TTYH1: variants seen among roughly 807,000 people sequenced by gnomAD.
TTYH1 encodes protein tweety homolog 1.
In TTYH1, 33 loss-of-function variants were observed where a neutral mutation model predicts 61.2. The ratio of observed to expected loss-of-function variants is 0.54; its 90% CI spans 0.41 to 0.72. TTYH1 has a LOEUF of 0.72. Among genes scored for constraint, TTYH1 ranks in the 30% least tolerant of loss-of-function variants. The pLI is 0.00. For missense variants in TTYH1, 538 were observed against 575.8 expected, an observed-to-expected ratio of 0.93 and a Z score of 0.67; for synonymous variants, 308 against 266.4, an observed-to-expected ratio of 1.16 and a Z score of -1.52.
Position 54,420,056 on chromosome 19 carries a change from G to A in TTYH1, c.305+750G>A, listed in dbSNP as rs1331415845. The stretch of plus-strand genomic sequence containing the variant: ...CACCTTTCAAGGCCACGTGGCTTAA[G>A]AGGCAGCACAGAGATTCAGACCCAG... On this transcript the variant is annotated intron_variant, in intron 2 of 13. Transcript: ENST00000376530. The surrounding 1 kb of genome is among the most constrained non-coding windows in gnomAD (Gnocchi z 4.8). 2.6e-5 allele frequency among the ~76,000 whole-genome samples: 4 copies of A among 152,124 alleles called. No homozygotes were observed. Among genetic ancestry groups the A allele is most frequent in the African/African-American group, 9.7e-5 (4 of 41,420 alleles).
In TTYH1 at chr19:54,422,231, A is replaced by T; in HGVS notation, c.459A>T (p.Thr153=). ...TVERLGEAVR[T]ELTTLEEVLE... ...AGAGGCTGGGCGAGGCGGTGAGGAC[A>T]GAGCTGACCACCCTGGAGGAGGTGC... is the stretch of plus-strand genomic sequence containing the variant. Residue 153 remains threonine, a synonymous_variant, in exon 4 of 14, where the codon ACA becomes ACT. Transcript: ENST00000376530. 1.3e-6 allele frequency: 2 copies of T among 1,567,506 alleles called. No homozygotes were observed. The highest frequency in any genetic ancestry group is 1.7e-6 in the Non-Finnish European group (2 of 1,156,884).
intron 10 of TTYH1, chr19:54,432,559 C>T (rs2083463564): frequency 6.6e-6 from 1 of 152,206 alleles, no homozygotes; most frequent in Non-Finnish European, 1.5e-5. Flanking sequence ...CCAGTTTTGT[C>T]CTTTCTGCTT....
chr19:54,427,409 T>G (rs1351856805), intron 5 of TTYH1, among the ~76,000 whole-genome samples: 1 of 133,994 alleles, frequency 7.5e-6, no homozygotes, highest in South Asian at 2.6e-4. Context: ...TTCGAGACCA[T>G]CCTGGCTAAC....
At position 54,421,854 on chromosome 19, in the gene TTYH1, C is replaced by T. The variant is rs1321879916; in HGVS notation, c.418-336C>T. Among the ~76,000 whole-genome samples, 2 of 152,116 alleles carry T rather than the reference C, an allele frequency of 1.3e-5. No homozygotes were observed. Among genetic ancestry groups the T allele is most frequent in the African/African-American group, 4.8e-5 (2 of 41,428 alleles). ...TCCATGTCCAGCTGCAGACTCTAGA[C>T]CATGGGACCCAGACTTGAGACCCCA... On this transcript the variant is annotated intron_variant, in intron 3 of 13. Coordinates refer to ENST00000376530, the MANE Select transcript of TTYH1 (RefSeq NM_020659.4). The surrounding 1 kb of genome is among the most constrained non-coding windows in gnomAD (Gnocchi z 4.8).
rs371658985 is a variant in TTYH1, at chr19:54,420,446, G to C, written c.306-831G>C. Among the ~76,000 whole-genome samples, 1 of 152,112 alleles carries C rather than the reference G, an allele frequency of 6.6e-6. No individual in the cohort carries two copies. Among genetic ancestry groups the C allele is most frequent in the South Asian group, 2.1e-4 (1 of 4,834 alleles). On this transcript the variant is annotated intron_variant, in intron 2 of 13. Coordinates refer to ENST00000376530, the MANE Select transcript of TTYH1 (RefSeq NM_020659.4). The surrounding 1 kb of genome is among the most constrained non-coding windows in gnomAD (Gnocchi z 4.8). ...TTTGTAGGACTCTGAACAATGGGGCGGGGACACTGGGCGTCCGACCCGAGG... is the reference window on the plus strand; with the variant it reads ...TTTGTAGGACTCTGAACAATGGGGCCGGGACACTGGGCGTCCGACCCGAGG...
rs184486778 is a variant in TTYH1, at chr19:54,429,256, C to T, written c.735-51C>T. Reference sequence around the variant, plus strand: ...ATGGGATTTGGGGTGTGGAAAGAGGCTAGGCTAGGAGATTAAGAACCCCGG... The same window carrying T: ...ATGGGATTTGGGGTGTGGAAAGAGGTTAGGCTAGGAGATTAAGAACCCCGG... On this transcript the variant is annotated intron_variant, in intron 5 of 13. Coordinates refer to ENST00000376530, the MANE Select transcript of TTYH1 (RefSeq NM_020659.4). This position sits in a 1 kb window ranked among gnomAD's most constrained non-coding sequence, Gnocchi z 5.1. 2 of 1,557,578 alleles carry T rather than the reference C, an allele frequency of 1.3e-6. No individual in the cohort carries two copies. The highest frequency in any genetic ancestry group is 2.2e-5 in the South Asian group (2 of 89,820).
Position 54,436,325 on chromosome 19 carries a change from C to CT in TTYH1, c.*43-7dup, listed in dbSNP as rs200307680. ...GCATCACTGCCCTGTCTCTCCCTCT[C>CT]TCCGCAGTTCCTTCCCTGGCTGCCG... On this transcript the variant is annotated splice_polypyrimidine_tract_variant and splice_region_variant and intron_variant, in intron 13 of 13. Transcript: ENST00000376530. This position sits in a 1 kb window ranked among gnomAD's most constrained non-coding sequence, Gnocchi z 4.3. 14,905 of 1,614,166 alleles carry CT rather than the reference C, an allele frequency of 9.2e-3. 152 individuals carry two copies. Among genetic ancestry groups the CT allele is most frequent in the Middle Eastern group, 0.061 (371 of 6,060 alleles).
Position 54,419,162 on chromosome 19 carries a change from G to T in TTYH1, c.161G>T (p.Gly54Val). The change falls in exon 2 of 14, where the codon GGC (glycine) becomes GTC (valine). Residue 54 changes from glycine (G) to valine (V), a missense_variant. Gly to Val is a moderately radical substitution (Grantham distance 109). Coordinates refer to ENST00000376530, the MANE Select transcript of TTYH1 (RefSeq NM_020659.4). This position sits in a 1 kb window ranked among gnomAD's most constrained non-coding sequence, Gnocchi z 6.1. ...CTGGTGGCGGCCTTGGCGGGCCTGG[G>T]CTTGGGCCTGAGCCTCATTTTCATC... Reference protein sequence around the residue: ...LLLVAALAGLGLGLSLIFIAV... With the variant: ...LLLVAALAGLVLGLSLIFIAV... 1 of 1,613,272 alleles carries T rather than the reference G, an allele frequency of 6.2e-7. No individual in the cohort carries two copies. Among genetic ancestry groups the T allele is most frequent in the Non-Finnish European group, 8.5e-7 (1 of 1,179,896 alleles).
chr19:54,432,794 C>T (rs992756424), intron 10 of TTYH1: 4 of 152,144 alleles, frequency 2.6e-5, no homozygotes, highest in Non-Finnish European at 4.4e-5. Context: ...ATTGGGCATC[C>T]GATACTCAAA....
At chr19:54,418,007 G>GACAC (rs35160501) in intron 1 of TTYH1, among the ~76,000 whole-genome samples, 48,404 of 148,104 alleles carry the variant, frequency 0.33, 7,773 homozygotes, top group East Asian at 0.41. Flanking sequence ...ACACACTTGG[G>GACAC]ACACACACAC....
chr19:54,430,825 T>C lies in TTYH1; in HGVS notation c.952T>C (p.Ser318Pro), dbSNP rs1450582615. Reference sequence around the variant, plus strand: ...TCTCTTTCTGCAGAGGCTGACTCTGTCCCAGCGAGCTCTGGCCAACATCCA... The same window carrying C: ...TCTCTTTCTGCAGAGGCTGACTCTGCCCCAGCGAGCTCTGGCCAACATCCA... ...SNPFQQRLTLSQRALANIHSQ... is the reference protein window; with the variant it reads ...SNPFQQRLTLPQRALANIHSQ... Residue 318 changes from serine to proline, a missense_variant, in exon 9 of 14, where the codon TCC (serine) becomes CCC (proline). Ser to Pro is a moderately conservative substitution (Grantham distance 74). Around this residue, in one of 3 missense-constraint regions of TTYH1, gnomAD observed 378 missense variants for 401.2 expected, o/e 0.94. Transcript: ENST00000376530. 12 of 1,613,922 alleles carry C rather than the reference T, an allele frequency of 7.4e-6. No individual in the cohort carries two copies. Among genetic ancestry groups the C allele is most frequent in the African/African-American group, 1.3e-5 (1 of 75,028 alleles).
intron 9 of TTYH1, 86 bp from the exon 10 acceptor site, chr19:54,431,013 G>T: frequency 6.5e-7 from 1 of 1,529,352 alleles, no homozygotes. Context: ...CGGGGCCTTG[G>T]GTTGTGGGCG....
At position 54,429,883 on chromosome 19, in the gene TTYH1, G is replaced by A; in HGVS notation, c.809G>A (p.Gly270Asp). The A allele has an allele frequency of 1.2e-6, 2 of 1,613,874 alleles. No individual in the cohort carries two copies. The highest frequency in any genetic ancestry group is 1.7e-4 in the Middle Eastern group (1 of 6,058). The change falls in exon 7 of 14, where the codon GGC (glycine) becomes GAC (aspartate). Residue 270 changes from glycine to aspartate, a missense_variant and splice_region_variant. Transcript: ENST00000376530. The surrounding 1 kb of genome is among the most constrained non-coding windows in gnomAD (Gnocchi z 5.1). Reference protein sequence around the residue: ...SMGLEAATAVGLSDFCSNPDP... With the variant: ...SMGLEAATAVDLSDFCSNPDP... ...CCCCTTTTCTGCTGCCTCACGCAGGGCCTCAGTGACTTCTGCTCCAATCCA... is the reference window on the plus strand; with the variant it reads ...CCCCTTTTCTGCTGCCTCACGCAGGACCTCAGTGACTTCTGCTCCAATCCA...
At chr19:54,426,344 G>A in intron 4 of TTYH1, 1 of 354,566 alleles carries the variant, frequency 2.8e-6, no homozygotes, top group Middle Eastern at 8.0e-4. Context: ...TCTCCACTCT[G>A]CAGGGTGGGG....
In TTYH1 at chr19:54,418,486, ATC is replaced by A. The variant is rs138244867; in HGVS notation, c.127-626_127-625del. 57 of 148,836 alleles carry A rather than the reference ATC, an allele frequency of 3.8e-4. 1 individual carries two copies. The highest frequency in any genetic ancestry group is 9.6e-4 in the African/African-American group (39 of 40,448). 9.2% of individuals were successfully genotyped at this position (148,836 alleles called of 1,614,324 possible). A position where few individuals can be genotyped will look rare whatever the true frequency, so the allele number is the denominator to read the frequency against. Reference sequence around the variant, plus strand: ...TGTCTTTCTGCCTGTGCCTCCCTCCATCTCTCTCTCTCTCTCTTTCTGTTCTG... The same window carrying A: ...TGTCTTTCTGCCTGTGCCTCCCTCCATCTCTCTCTCTCTCTTTCTGTTCTG... On this transcript the variant is annotated intron_variant, in intron 1 of 13. Coordinates refer to ENST00000376530, the MANE Select transcript of TTYH1 (RefSeq NM_020659.4).
chr19:54,432,738 A>G (rs2083467454), intron 10 of TTYH1: 1 of 152,156 alleles, frequency 6.6e-6, no homozygotes, highest in Admixed American at 6.6e-5. Context: ...TGCTATAAGT[A>G]CGCCCGGTGC....
At chr19:54,435,004 C>CA (rs1029414647) in intron 10 of TTYH1, 6 of 153,272 alleles carry the variant, frequency 3.9e-5, no homozygotes, top group Admixed American at 3.9e-4. Context: ...TGATCTGGCT[C>CA]AAAATGTCAG....
intron 5 of TTYH1, among the ~76,000 whole-genome samples, chr19:54,428,018 C>T (rs1177166881): frequency 1.3e-5 from 2 of 151,768 alleles, no homozygotes; most frequent in Non-Finnish European, 2.9e-5. Flanking sequence ...CTCAAGTGAT[C>T]CCCCCACCTC....
At position 54,422,222 on chromosome 19, in the gene TTYH1, G is replaced by T. The variant is rs113106654; in HGVS notation, c.450G>T (p.Ala150=). The part of the protein sequence containing the change: ...VLETVERLGE[A]VRTELTTLEE... ...AGACGGTGGAGAGGCTGGGCGAGGC[G>T]GTGAGGACAGAGCTGACCACCCTGG... Residue 150 remains alanine, a synonymous_variant, in exon 4 of 14, where the codon GCG becomes GCT. Transcript: ENST00000376530. 1.9e-6 allele frequency: 3 copies of T among 1,565,776 alleles called. No homozygotes were observed. The South Asian group carries it at 3.5e-5, about 18-fold the overall frequency.
Sources: allele counts gnomAD v4.1 joint callset (sites outside exome capture counted in the v4.1 genomes callset), GRCh38; gene constraint gnomAD v4.1.1; regional missense constraint gnomAD v4.1.1; non-coding constraint Gnocchi (gnomAD v3.1); transcripts MANE v1.5; gene names NCBI Gene and HGNC (gene_info 2026-07-23, HGNC 2026-07-21).